DYNC2H1: variants seen among roughly 807,000 people sequenced by gnomAD.
DYNC2H1 encodes the protein cytoplasmic dynein 2 heavy chain 1.
DYNC2H1 carries 410 observed loss-of-function variants against 570.0 expected under a neutral mutation model. That is an observed-to-expected ratio of 0.72 (90% CI 0.66 to 0.78). The LOEUF is 0.78. Among genes scored for constraint, DYNC2H1 ranks in the 30% least tolerant of loss-of-function variants. DYNC2H1 has a pLI of 0.00. For missense variants in DYNC2H1, 4,865 were observed against 5,046.4 expected (o/e 0.96, Z 1.09); for synonymous variants, 1,688 against 1,677.6 (o/e 1.01, Z -0.15).
At position 103,395,284 on chromosome 11, in the gene DYNC2H1, TCAAGAAACTTGCAAG is replaced by T. The variant is rs1474185137; in HGVS notation, c.12157-4378_12157-4364del. Among the ~76,000 whole-genome samples, 1 of 152,050 alleles carries T rather than the reference TCAAGAAACTTGCAAG, an allele frequency of 6.6e-6. No homozygotes were observed. The highest frequency in any genetic ancestry group is 6.6e-5 in the Admixed American group (1 of 15,254). On this transcript the variant is annotated intron_variant, in intron 83 of 88. Coordinates refer to ENST00000375735, the MANE Select transcript of DYNC2H1 (RefSeq NM_001377.3). The surrounding 1 kb of genome is among the most constrained non-coding windows in gnomAD (Gnocchi z 4.3). ...TAAAATGTTTTTTTCATAGCTTGTT[TCAAGAAACTTGCAAG>T]AATGTCATGAGGACCCAGTGATTTC...
At position 103,261,289 on chromosome 11, in the gene DYNC2H1, T is replaced by C. The variant is rs1282541988; in HGVS notation, c.10695+1312T>C. Reference sequence around the variant, plus strand: ...GCGCAGCATCAGCAGACTTAAACATTCCCACCTGCTGGCTCTGAAGAGAGC... The same window carrying C: ...GCGCAGCATCAGCAGACTTAAACATCCCCACCTGCTGGCTCTGAAGAGAGC... On this transcript the variant is annotated intron_variant, in intron 70 of 88. Coordinates refer to ENST00000375735, the MANE Select transcript of DYNC2H1 (RefSeq NM_001377.3). This position sits in a 1 kb window ranked among gnomAD's most constrained non-coding sequence, Gnocchi z 4.8. 1.3e-5 allele frequency among the ~76,000 whole-genome samples: 2 copies of C among 152,128 alleles called. No individual in the cohort carries two copies. The highest frequency in any genetic ancestry group is 1.9e-4 in the East Asian group (1 of 5,164).
intron 66 of DYNC2H1, 92 bp downstream of exon 66, chr11:103,253,540 A>T (rs1864924790): frequency 4.1e-6 from 5 of 1,211,588 alleles, no homozygotes; most frequent in Non-Finnish European, 4.6e-6. Context: ...TTGTTAGACT[A>T]ATTAGTATTT....
intron 70 of DYNC2H1, among the ~76,000 whole-genome samples, chr11:103,272,100 G>A (rs989795975): frequency 3.3e-5 from 5 of 152,148 alleles, no homozygotes; most frequent in African/African-American, 1.2e-4. Context: ...TATAAATCAT[G>A]CTGCTGTAAA....
Position 103,129,871 on chromosome 11 carries a change from C to G in DYNC2H1, c.1953+866C>G, listed in dbSNP as rs1266738286. On this transcript the variant is annotated intron_variant, in intron 13 of 88. Transcript: ENST00000375735. The surrounding 1 kb of genome is among the most constrained non-coding windows in gnomAD (Gnocchi z 4.1). ...TTTTTTTCTATTTGAAAGTGGATAA[C>G]TAGTTGTGTCAGGATCCTCAGGACC... Among the ~76,000 whole-genome samples the G allele has an allele frequency of 1.3e-5, 2 of 152,062 alleles. No individual in the cohort carries two copies. Among genetic ancestry groups the G allele is most frequent in the Non-Finnish European group, 2.9e-5 (2 of 68,016 alleles).
At chr11:103,316,471 A>G (rs1285566677) in intron 79 of DYNC2H1, 74 bp from the exon 80 acceptor site, 3 of 1,001,378 alleles carry the variant, frequency 3.0e-6, no homozygotes, top group Non-Finnish European at 2.9e-6. Context: ...CATTTAATTT[A>G]AAGACAGTGA....
Position 103,303,272 on chromosome 11 carries a change from G to A in DYNC2H1, c.11256+19G>A, listed in dbSNP as rs574083327. ...TCACCAGGTAAGTACATATTGTCCC[G>A]CTGTTTTTGTTTTTGCTATTGCTGT... is the stretch of plus-strand genomic sequence containing the variant. On this transcript the variant is annotated intron_variant, in intron 76 of 88. Transcript: ENST00000375735. The A allele has an allele frequency of 2.8e-5, 44 of 1,598,474 alleles. No individual in the cohort carries two copies. Among genetic ancestry groups the A allele is most frequent in the Middle Eastern group, 1.7e-4 (1 of 6,000 alleles).
In DYNC2H1 at chr11:103,299,580, C is replaced by T. The variant is rs1362020444; in HGVS notation, c.11096-3513C>T. On this transcript the variant is annotated intron_variant, in intron 75 of 88. Coordinates refer to ENST00000375735, the MANE Select transcript of DYNC2H1 (RefSeq NM_001377.3). This position sits in a 1 kb window ranked among gnomAD's most constrained non-coding sequence, Gnocchi z 4.5. ...ATCTAGCCTTCCTCCATCCTTAAAG[C>T]CAACATTAGCAGATCGATTCCTTTG... Among the ~76,000 whole-genome samples the T allele has an allele frequency of 6.6e-6, 1 of 152,068 alleles. No homozygotes were observed. The highest frequency in any genetic ancestry group is 2.4e-5 in the African/African-American group (1 of 41,428).
chr11:103,114,568 A>G (rs994207664), intron 3 of DYNC2H1, among the ~76,000 whole-genome samples: 22 of 152,220 alleles, frequency 1.4e-4, no homozygotes, highest in African/African-American at 4.6e-4. Flanking sequence ...GATCCTCACT[A>G]CTAGGCCTCC....
intron 26 of DYNC2H1, 82 bp from the exon 27 acceptor site, chr11:103,158,595 A>G (rs1251138367): frequency 8.6e-5 from 95 of 1,101,110 alleles, no homozygotes; most frequent in Middle Eastern, 2.8e-4. Flanking sequence ...CATTTTAAGC[A>G]GGTAAAAAAA....
intron 31 of DYNC2H1, among the ~76,000 whole-genome samples, chr11:103,167,860 C>T (rs890289326): frequency 1.3e-5 from 2 of 152,100 alleles, no homozygotes; most frequent in African/African-American, 4.8e-5. Context: ...AGTCTGTTTT[C>T]AAATCTTTGC....
intron 84 of DYNC2H1, among the ~76,000 whole-genome samples, chr11:103,433,526 C>T (rs1478664051): frequency 1.3e-5 from 2 of 152,130 alleles, no homozygotes; most frequent in African/African-American, 2.4e-5. Context: ...TCACAAGGCT[C>T]AGCTTCCAAG....
chr11:103,348,968 T>C (rs1939903692), intron 82 of DYNC2H1, among the ~76,000 whole-genome samples: 1 of 152,174 alleles, frequency 6.6e-6, no homozygotes. Context: ...ACATGTTTGC[T>C]TCCCCTTCCA....
chr11:103,147,715 C>T (rs1020059604), intron 18 of DYNC2H1, 57 bp from the exon 19 acceptor site: 1 of 1,010,562 alleles, frequency 9.9e-7, no homozygotes, highest in Non-Finnish European at 1.5e-6. Flanking sequence ...TTATATGAGA[C>T]TCTTTTCCTC....
At chr11:103,225,215 G>A (rs564757385) in intron 59 of DYNC2H1, among the ~76,000 whole-genome samples, 22 of 152,174 alleles carry the variant, frequency 1.4e-4, no homozygotes, top group Admixed American at 3.3e-4. Flanking sequence ...TGTTAACTCC[G>A]CTGATTATTT....
chr11:103,212,292 T>G (rs1271361909), intron 54 of DYNC2H1, among the ~76,000 whole-genome samples: 1 of 151,986 alleles, frequency 6.6e-6, no homozygotes, highest in East Asian at 1.9e-4. Flanking sequence ...CTTTGGGGAC[T>G]TGGGGGTAAG....
intron 85 of DYNC2H1, among the ~76,000 whole-genome samples, chr11:103,442,382 A>C (rs2135770650): frequency 6.6e-6 from 1 of 152,254 alleles, no homozygotes. Context: ...TTGGGTTATC[A>C]CCATCACAGT....
In DYNC2H1 at chr11:103,201,465, G is replaced by T. The variant is rs574773427; in HGVS notation, c.8197+1311G>T. Among the ~76,000 whole-genome samples, 1 of 152,020 alleles carries T rather than the reference G, an allele frequency of 6.6e-6. No individual in the cohort carries two copies. Among genetic ancestry groups the T allele is most frequent in the Non-Finnish European group, 1.5e-5 (1 of 68,000 alleles). The stretch of plus-strand genomic sequence containing the variant: ...TCCTCAGCATTTCTCACCCCTAATT[G>T]CACGTTAGAATCACTAGGATAATTA... On this transcript the variant is annotated intron_variant, in intron 50 of 88. Coordinates refer to ENST00000375735, the MANE Select transcript of DYNC2H1 (RefSeq NM_001377.3). The surrounding 1 kb of genome is among the most constrained non-coding windows in gnomAD (Gnocchi z 4.8).
At chr11:103,458,330 T>C (rs1944867799) in intron 87 of DYNC2H1, among the ~76,000 whole-genome samples, 1 of 152,200 alleles carries the variant, frequency 6.6e-6, no homozygotes, top group African/African-American at 2.4e-5. Context: ...CCTAGGTATG[T>C]AGTAGGCTAT....
Position 103,134,429 on chromosome 11 carries a change from G to A in DYNC2H1, c.2205+10G>A, listed in dbSNP as rs756484010. On this transcript the variant is annotated intron_variant, in intron 15 of 88. Coordinates refer to ENST00000375735, the MANE Select transcript of DYNC2H1 (RefSeq NM_001377.3). ...AACTGTAGAAGCACAGGTAGAGTAT[G>A]TTTTATTTTGTGTGTATACTTTGAA... 3 of 1,598,546 alleles carry A rather than the reference G, an allele frequency of 1.9e-6. No homozygotes were observed. Among genetic ancestry groups the A allele is most frequent in the Admixed American group, 1.7e-5 (1 of 58,724 alleles).
Sources: gnomAD v4.1 joint callset for allele counts (sites outside exome capture counted in the v4.1 genomes callset) on GRCh38, gnomAD v4.1.1 for gene constraint, Gnocchi (gnomAD v3.1) non-coding constraint, MANE v1.5 for transcripts, NCBI Gene and HGNC (gene_info 2026-07-23, HGNC 2026-07-21) for gene names.